The following MYO7A variants were observed in gnomAD, a reference collection of about 807,000 sequenced individuals.
MYO7A encodes the protein myosin VIIA.
A neutral mutation model predicts 263.8 loss-of-function variants in MYO7A; 210 were observed. The observed-to-expected ratio is 0.80, with a 90% CI of 0.71 to 0.89. The LOEUF (loss-of-function observed/expected upper bound fraction) is 0.89. Ranked by LOEUF, MYO7A falls within the 40% of genes least tolerant of loss-of-function variation. The probability of loss-of-function intolerance (pLI) is 0.00; values close to 1 mark genes in which losing one functional copy is unlikely to be tolerated. For synonymous variants in MYO7A, 1,239 were observed against 1,197.3 expected (o/e 1.03, Z -0.72); for missense variants, 2,820 against 2,968.3 (o/e 0.95, Z 1.16).
Position 77,197,531 on chromosome 11 carries a change from G to A in MYO7A, c.4374G>A (p.Val1458=), listed in dbSNP as rs777636556. The change falls in exon 33 of 49, where the codon GTG becomes GTA. Residue 1458 remains valine (V), a synonymous_variant. Transcript: ENST00000409709. Reference sequence around the variant, plus strand: ...ATGCCCAGAAGGTCAAAGAGGATGTGGTCAGTTATGCCCGCTTCAAGTGGC... The same window carrying A: ...ATGCCCAGAAGGTCAAAGAGGATGTAGTCAGTTATGCCCGCTTCAAGTGGC... The part of the protein sequence containing the change: ...RTDAQKVKED[V]VSYARFKWPL... 3.1e-6 allele frequency: 5 copies of A among 1,608,654 alleles called. No individual in the cohort carries two copies. Among genetic ancestry groups the A allele is most frequent in the Admixed American group, 3.4e-5 (2 of 59,374 alleles).
chr11:77,192,269 G>C lies in MYO7A; in HGVS notation c.4143G>C (p.Arg1381Ser). The change falls in exon 31 of 49, where the codon AGG becomes AGC. Residue 1381 changes from arginine (R) to serine (S), a missense_variant. Transcript: ENST00000409709. ...GAGGAGTCAAGTTTGGGGAGTACAG[G>C]TGTGAGAAGGTGAGTGGGAGGGAAT... The part of the protein sequence containing the change: ...VVRGVKFGEY[R>S]CEKEDDLAEL... The C allele has an allele frequency of 6.2e-7, 1 of 1,613,936 alleles. No homozygotes were observed.
Position 77,194,517 on chromosome 11 carries a change from AC to A in MYO7A, c.4317del (p.His1439GlnfsTer110). 1 of 1,597,548 alleles carries A rather than the reference AC, an allele frequency of 6.3e-7. No homozygotes were observed. Among genetic ancestry groups the A allele is most frequent in the Non-Finnish European group, 8.5e-7 (1 of 1,172,460 alleles). On this transcript the variant is annotated frameshift_variant, in exon 32 of 49. Coordinates refer to ENST00000409709, the MANE Select transcript of MYO7A (RefSeq NM_000260.4). LOFTEE classifies it high-confidence loss of function. ...TGGGCCCAGCTGGCCATCGCCGCCCACAAGAAGGTAGAAGGGCTGAGAGGAG... is the reference window on the plus strand; with the variant it reads ...TGGGCCCAGCTGGCCATCGCCGCCCAAAGAAGGTAGAAGGGCTGAGAGGAG... ...EKWAQLAIAA[H>X]KKGIYAQRRT... is the part of the protein sequence containing the mutation.
intron 44 of MYO7A, 158 bp from the exon 45 acceptor site, chr11:77,210,994 T>TC (rs1183180168): frequency 3.0e-6 from 2 of 667,910 alleles, no homozygotes; most frequent in East Asian, 5.5e-5. Context: ...CTGTGCCGTA[T>TC]CCCCTGGGGG....
Position 77,192,023 on chromosome 11 carries a change from C to G in MYO7A, c.3925-28C>G, listed in dbSNP as rs114509954. The G allele has an allele frequency of 1.1e-4, 171 of 1,590,880 alleles. No homozygotes were observed. In the African/African-American group the frequency reaches 2.2e-3, roughly 21 times the overall value. On this transcript the variant is annotated intron_variant, in intron 30 of 48. Coordinates refer to ENST00000409709, the MANE Select transcript of MYO7A (RefSeq NM_000260.4). ...CTCATAGTCCTTCCCTGACTCTGTG[C>G]CTGCTCCCCTCCCCTCTGTGCCCAC... is the stretch of plus-strand genomic sequence containing the variant.
chr11:77,199,624 C>A lies in MYO7A; in HGVS notation c.4658C>A (p.Pro1553His), dbSNP rs749598236. The A allele has an allele frequency of 1.9e-6, 3 of 1,608,584 alleles. No homozygotes were observed. Among genetic ancestry groups the A allele is most frequent in the Admixed American group, 3.4e-5 (2 of 59,464 alleles). ...TGGGCAGGACTGACCCCGGCGGGGC[C>A]CTGTTCTCCGTGTTGGTCCTGCAGG... The part of the protein sequence containing the change: ...SGWAGLTPAG[P>H]CSPCWSCRGA... The change falls in exon 35 of 49, where the codon CCC becomes CAC. Residue 1553 changes from proline to histidine, a missense_variant. Pro to His is a moderately conservative substitution (Grantham distance 77). Coordinates refer to ENST00000409709, the MANE Select transcript of MYO7A (RefSeq NM_000260.4).
chr11:77,206,175 A>G lies in MYO7A; in HGVS notation c.5715A>G (p.Lys1905=), dbSNP rs2276293. 0.49 allele frequency: 796,316 copies of G among 1,611,312 alleles called. 200,746 individuals are homozygous for G. The highest frequency in any genetic ancestry group is 0.7 in the African/African-American group (52,785 of 74,876). Reference sequence around the variant, plus strand: ...ACAAGACCACCCAGATTTTCCACAAAGTCTACTTCCCTGATGACACTGACG... The same window carrying G: ...ACAAGACCACCCAGATTTTCCACAAGGTCTACTTCCCTGATGACACTGACG... ...IQHKTTQIFH[K]VYFPDDTDEA... is the part of the protein sequence containing the mutation. The change falls in exon 41 of 49, where the codon AAA becomes AAG. Residue 1905 remains lysine (K), a synonymous_variant. Coordinates refer to ENST00000409709, the MANE Select transcript of MYO7A (RefSeq NM_000260.4).
chr11:77,172,117 G>C (rs116639937), intron 15 of MYO7A, among the ~76,000 whole-genome samples: 5 of 152,076 alleles, frequency 3.3e-5, no homozygotes, highest in Non-Finnish European at 7.4e-5. Context: ...CCTCCTCCTC[G>C]CGCTTGCCCA....
chr11:77,208,834 T>C (rs1022067549), intron 44 of MYO7A, 31 bp downstream of exon 44: 1 of 1,478,376 alleles, frequency 6.8e-7, no homozygotes, highest in Admixed American at 2.0e-5. Context: ...GTTGCCTTCG[T>C]GCACAGCTAG....
chr11:77,198,709 A>T, intron 34 of MYO7A, 88 bp downstream of exon 34: 1 of 1,573,054 alleles, frequency 6.4e-7, no homozygotes, highest in Non-Finnish European at 8.6e-7. Context: ...GTGAAGAGGC[A>T]TGAAGTGGCC....
In MYO7A at chr11:77,208,697, G is replaced by T; in HGVS notation, c.5945G>T (p.Gly1982Val). The T allele has an allele frequency of 1.3e-6, 2 of 1,579,092 alleles. No individual in the cohort carries two copies. Among genetic ancestry groups the T allele is most frequent in the Non-Finnish European group, 1.7e-6 (2 of 1,161,534 alleles). The change falls in exon 44 of 49, where the codon GGA becomes GTA. Residue 1982 changes from glycine (G) to valine (V), a missense_variant and splice_region_variant. Coordinates refer to ENST00000409709, the MANE Select transcript of MYO7A (RefSeq NM_000260.4). ...WIKKARPIKD[G>V]IVPSLTYQVF... ...GGTGACCGACTGCCCTGTGCTGCAG[G>T]AATTGTGCCCTCACTCACCTACCAG...
At chr11:77,148,041 C>T (rs1473175968) in intron 4 of MYO7A, 91 bp downstream of exon 4, 10 of 1,220,110 alleles carry the variant, frequency 8.2e-6, no homozygotes, top group Non-Finnish European at 1.1e-5. Flanking sequence ...CCTCCGGCCC[C>T]GCCCTGCCGG....
At position 77,190,924 on chromosome 11, in the gene MYO7A, C is replaced by T. The variant is rs887276857; in HGVS notation, c.3924+54C>T. 4 of 1,489,788 alleles carry T rather than the reference C, an allele frequency of 2.7e-6. No individual in the cohort carries two copies. In the African/African-American group the frequency reaches 4.2e-5, roughly 16 times the overall value. The allele number at this position is 1,489,788 out of a possible 1,614,324, so 92.3% of individuals were successfully genotyped here. On this transcript the variant is annotated intron_variant, in intron 30 of 48. Coordinates refer to ENST00000409709, the MANE Select transcript of MYO7A (RefSeq NM_000260.4). ...GGAAGCACCTCCTCCCGGCCCCACT[C>T]CGGGCTGCCAGTGCTGCCACCTACT...
chr11:77,160,987 G>T lies in MYO7A; in HGVS notation c.1215G>T (p.Arg405=). Residue 405 remains arginine (R), a synonymous_variant, in exon 12 of 49, where the codon CGG becomes CGT. Coordinates refer to ENST00000409709, the MANE Select transcript of MYO7A (RefSeq NM_000260.4). ...RDAFVKGIYG[R]LFVWIVDKIN... is the part of the protein sequence containing the mutation. ...CTGCCTTTCAGGGGATCTACGGGCG[G>T]CTGTTCGTGTGGATTGTGGACAAGA... is the stretch of plus-strand genomic sequence containing the variant. 1 of 1,606,560 alleles carries T rather than the reference G, an allele frequency of 6.2e-7. No homozygotes were observed. The highest frequency in any genetic ancestry group is 8.5e-7 in the Non-Finnish European group (1 of 1,176,832).
At chr11:77,204,908 C>T (rs898231450) in intron 39 of MYO7A, among the ~76,000 whole-genome samples, 1 of 152,182 alleles carries the variant, frequency 6.6e-6, no homozygotes, top group Non-Finnish European at 1.5e-5. Context: ...TCTCTGCATG[C>T]CGTAATTTGC....
At chr11:77,208,235 C>G (rs368363903) in intron 42 of MYO7A, among the ~76,000 whole-genome samples, 195 bp from the exon 43 acceptor site, 1 of 152,312 alleles carries the variant, frequency 6.6e-6, no homozygotes, top group Non-Finnish European at 1.5e-5. Flanking sequence ...GACCATCGCT[C>G]CCGGCAAGAA....
At chr11:77,189,555 C>T (rs1565431394) in intron 28 of MYO7A, 85 bp downstream of exon 28, 5 of 1,566,818 alleles carry the variant, frequency 3.2e-6, no homozygotes, top group African/African-American at 2.7e-5. Flanking sequence ...CCAGGGGCTC[C>T]AAAGGGCCTG....
chr11:77,201,654 G>A lies in MYO7A; in HGVS notation c.5043+16G>A, dbSNP rs745438011. 1.2e-6 allele frequency: 2 copies of A among 1,609,300 alleles called. No individual in the cohort carries two copies. The highest frequency in any genetic ancestry group is 2.2e-5 in the South Asian group (2 of 90,896). ...GGAGATTGTGGTATGTGGCCTGGGG[G>A]TGGCAGATGGGTGGGAGGTGCCATT... On this transcript the variant is annotated intron_variant, in intron 36 of 48. Coordinates refer to ENST00000409709, the MANE Select transcript of MYO7A (RefSeq NM_000260.4).
chr11:77,181,360 G>C lies in MYO7A; in HGVS notation c.2695-20G>C. On this transcript the variant is annotated intron_variant, in intron 22 of 48. Transcript: ENST00000409709. Reference sequence around the variant, plus strand: ...ACCGGGGGCTGACCCCGTGTCTTCTGTGTCACCCCAATTGCCCAGGAGCGC... The same window carrying C: ...ACCGGGGGCTGACCCCGTGTCTTCTCTGTCACCCCAATTGCCCAGGAGCGC... The C allele has an allele frequency of 1.3e-6, 2 of 1,545,942 alleles. No individual in the cohort carries two copies. The highest frequency in any genetic ancestry group is 1.7e-6 in the Non-Finnish European group (2 of 1,147,224).
At chr11:77,189,531 G>A (rs547020156) in intron 28 of MYO7A, 61 bp downstream of exon 28, 2 of 1,600,576 alleles carry the variant, frequency 1.2e-6, no homozygotes, top group African/African-American at 2.7e-5. Context: ...CCAGCACTGT[G>A]GGGAGAGCAA....
Sources: gnomAD v4.1 joint callset for allele counts (sites outside exome capture counted in the v4.1 genomes callset) on GRCh38, gnomAD v4.1.1 for gene constraint, MANE v1.5 for transcripts, NCBI Gene and HGNC (gene_info 2026-07-23, HGNC 2026-07-21) for gene names.